Variants in ALPK1 observed in about 807,000 individuals in gnomAD.
ALPK1 encodes alpha-protein kinase 1.
Under a neutral mutation model 120.6 loss-of-function variants are expected in ALPK1, and 110 were observed. That is an observed-to-expected ratio of 0.91 (90% CI 0.78 to 1.07). The LOEUF is 1.07. ALPK1 is among the 50% of genes least tolerant of loss of function. ALPK1 has a pLI of 0.00. For synonymous variants in ALPK1, 582 were observed against 560.3 expected (o/e 1.04, Z -0.55); for missense variants, 1,498 against 1,483.9 (o/e 1.01, Z -0.16).
intron 2 of ALPK1, among the ~76,000 whole-genome samples, chr4:112,336,168 C>G (rs1474733207): frequency 6.6e-6 from 1 of 152,094 alleles, no homozygotes; most frequent in Non-Finnish European, 1.5e-5. Flanking sequence ...AATGAGTGAA[C>G]AGGGGAATGA....
intron 2 of ALPK1, chr4:112,358,264 C>A: frequency 3.4e-6 from 2 of 588,898 alleles, no homozygotes; most frequent in East Asian, 4.0e-5. Flanking sequence ...CCCAGCTGCC[C>A]TCCTGGGTGC....
chr4:112,415,051 G>A (rs1044986938), intron 5 of ALPK1: 1 of 152,200 alleles, frequency 6.6e-6, no homozygotes, highest in African/African-American at 2.4e-5. Context: ...GCCCAGAGAA[G>A]TTACAAGGAC....
At chr4:112,381,481 A>G (rs1343511115) in intron 3 of ALPK1, among the ~76,000 whole-genome samples, 1 of 152,232 alleles carries the variant, frequency 6.6e-6, no homozygotes, top group Non-Finnish European at 1.5e-5. Context: ...AGTCATATGT[A>G]CGGGTCCATA....
chr4:112,417,145 T>G (rs1733780254), intron 5 of ALPK1, among the ~76,000 whole-genome samples: 1 of 152,148 alleles, frequency 6.6e-6, no homozygotes, highest in African/African-American at 2.4e-5. Flanking sequence ...AAAATAGACA[T>G]TTTCAGACCT....
rs376675695 is a variant in ALPK1, at chr4:112,431,572, G to T, written c.2025G>T (p.Ser675=). ...PQQQMPLTPF[S]PHNTPGIFLA... ...AACAGATGCCCTTGACACCCTTCTC[G>T]CCTCATAATACCCCAGGCATTTTCT... Residue 675 remains serine, a synonymous_variant, in exon 11 of 16, where the codon TCG becomes TCT. Coordinates refer to ENST00000650871, the MANE Select transcript of ALPK1 (RefSeq NM_025144.4). The T allele has an allele frequency of 2.5e-6, 4 of 1,613,970 alleles. No homozygotes were observed. The highest frequency in any genetic ancestry group is 3.4e-6 in the Non-Finnish European group (4 of 1,179,994).
At chr4:112,297,602 C>A (rs946761114) in intron 1 of ALPK1, 133 bp downstream of exon 1, 2 of 146,424 alleles carry the variant, frequency 1.4e-5, no homozygotes, top group Non-Finnish European at 3.0e-5. Flanking sequence ...CTCTAAGAAC[C>A]TTTGCACTTC....
At chr4:112,302,314 C>T (rs1372498311) in intron 1 of ALPK1, 5 of 152,226 alleles carry the variant, frequency 3.3e-5, no homozygotes, top group African/African-American at 1.2e-4. Context: ...ATTAATGACA[C>T]TAAAATTCTT....
chr4:112,310,426 GA>G (rs1449681939), intron 1 of ALPK1, among the ~76,000 whole-genome samples: 3 of 152,108 alleles, frequency 2.0e-5, no homozygotes, highest in South Asian at 2.1e-4. Context: ...TATATTTAAA[GA>G]GTCCCAAAAT....
intron 1 of ALPK1, among the ~76,000 whole-genome samples, 192 bp downstream of exon 1, chr4:112,297,661 G>C (rs528095121): frequency 3.4e-4 from 51 of 152,008 alleles, no homozygotes; most frequent in African/African-American, 1.2e-3. Context: ...TGGGGTGAAG[G>C]GGGTGGAGTG....
Position 112,367,753 on chromosome 4 carries a change from G to C in ALPK1, c.-100-9925G>C, listed in dbSNP as rs190909546. On this transcript the variant is annotated intron_variant, in intron 2 of 15. Transcript: ENST00000650871. Reference sequence around the variant, plus strand: ...TTCTTCCCATCTAAGACTCTGATTAGACATATGTTAGACCTTTTCTACAAA... The same window carrying C: ...TTCTTCCCATCTAAGACTCTGATTACACATATGTTAGACCTTTTCTACAAA... 1.2e-4 allele frequency among the ~76,000 whole-genome samples: 18 copies of C among 152,278 alleles called. No individual in the cohort carries two copies. In the East Asian group the frequency reaches 3.5e-3, roughly 29 times the overall value.
intron 2 of ALPK1, among the ~76,000 whole-genome samples, chr4:112,364,862 T>A (rs141240049): frequency 0.013 from 1,964 of 152,298 alleles, 43 homozygotes; most frequent in African/African-American, 0.043. Context: ...TCCACCATGA[T>A]CAGGTGGGTT....
At chr4:112,386,556 G>A (rs1375787622) in intron 4 of ALPK1, among the ~76,000 whole-genome samples, 3 of 152,118 alleles carry the variant, frequency 2.0e-5, no homozygotes, top group South Asian at 4.1e-4. Flanking sequence ...AGGCTACGGC[G>A]ACCTAAAATC....
rs1325424017 is a variant in ALPK1, at chr4:112,429,169, C to A, written c.816C>A (p.Asp272Glu). The change falls in exon 10 of 16, where the codon GAC (aspartate) becomes GAA (glutamate). Residue 272 changes from aspartate to glutamate, a missense_variant. Transcript: ENST00000650871. ...QINLSLLKEF[D>E]HHLLSAAEAC... ...CACAGAGCCTGCTGAAGGAGTTTGA[C>A]CACCATTTGCTGTCCGCTGCAGAAG... is the stretch of plus-strand genomic sequence containing the variant. The A allele has an allele frequency of 6.2e-7, 1 of 1,613,292 alleles. No homozygotes were observed. Among genetic ancestry groups the A allele is most frequent in the Non-Finnish European group, 8.5e-7 (1 of 1,179,964 alleles).
chr4:112,430,095 CTT>C lies in ALPK1; in HGVS notation c.901-352_901-351del, dbSNP rs927513943. ...TGGCATCCTTATTTGCATAGAGAAACTTATATCCATTTCCATGGATAGACTCT... is the reference window on the plus strand; with the variant it reads ...TGGCATCCTTATTTGCATAGAGAAACATATCCATTTCCATGGATAGACTCT... On this transcript the variant is annotated intron_variant, in intron 10 of 15. Coordinates refer to ENST00000650871, the MANE Select transcript of ALPK1 (RefSeq NM_025144.4). Among the ~76,000 whole-genome samples, 9 of 152,256 alleles carry C rather than the reference CTT, an allele frequency of 5.9e-5. No individual in the cohort carries two copies. The South Asian group carries it at 6.2e-4, about 11-fold the overall frequency.
intron 11 of ALPK1, 77 bp downstream of exon 11, chr4:112,432,658 A>T (rs772913902): frequency 4.3e-6 from 6 of 1,384,678 alleles, no homozygotes; most frequent in Non-Finnish European, 5.9e-6. Flanking sequence ...TGGTATGTAG[A>T]TCACTTAAAG....
Position 112,356,158 on chromosome 4 carries a change from T to A in ALPK1, c.-100-21520T>A, listed in dbSNP as rs1466572981. On this transcript the variant is annotated intron_variant, in intron 2 of 15. Transcript: ENST00000650871. ...ATATGCCCAAGATAGTCCTGAATGGTGTGACCGTAGACTTCCCTTCCCAGC... is the reference window on the plus strand; with the variant it reads ...ATATGCCCAAGATAGTCCTGAATGGAGTGACCGTAGACTTCCCTTCCCAGC... 1.4e-5 allele frequency: 22 copies of A among 1,606,388 alleles called. 1 individual carries two copies. Among genetic ancestry groups the A allele is most frequent in the Non-Finnish European group, 1.8e-5 (21 of 1,174,608 alleles).
rs760476612 is a variant in ALPK1 at position 112,431,173 on chromosome 4, T to G, written c.1626T>G (p.Ser542=). 6.2e-7 allele frequency: 1 copy of G among 1,614,202 alleles called. No homozygotes were observed. Among genetic ancestry groups the G allele is most frequent in the Non-Finnish European group, 8.5e-7 (1 of 1,180,038 alleles). The change falls in exon 11 of 16, where the codon TCT becomes TCG. Residue 542 remains serine (S), a synonymous_variant. Transcript: ENST00000650871. ...RRGGRRNWTH[S]DAFRVSLDQD... is the part of the protein sequence containing the mutation. ...GAGGAAGGAGAAACTGGACCCATTC[T>G]GATGCATTTCGAGTCTCCTTGGATC...
At position 112,441,191 on chromosome 4, in the gene ALPK1, C is replaced by T; in HGVS notation, c.3728-12C>T. 1 of 1,609,418 alleles carries T rather than the reference C, an allele frequency of 6.2e-7. No individual in the cohort carries two copies. The highest frequency in any genetic ancestry group is 1.7e-4 in the Middle Eastern group (1 of 6,050). ...TGGTGATGCTCGCAAATATCTGGTT[C>T]TCTCCTTCCAGGCACATAGAATACG... On this transcript the variant is annotated splice_polypyrimidine_tract_variant and intron_variant, in intron 15 of 15. Coordinates refer to ENST00000650871, the MANE Select transcript of ALPK1 (RefSeq NM_025144.4).
At chr4:112,389,385 C>T (rs892028885) in intron 4 of ALPK1, among the ~76,000 whole-genome samples, 4 of 152,194 alleles carry the variant, frequency 2.6e-5, no homozygotes, top group Non-Finnish European at 5.9e-5. Context: ...GGGTTGGTCA[C>T]AGCCATGGCC....
Sources: allele counts gnomAD v4.1 joint callset (sites outside exome capture counted in the v4.1 genomes callset), GRCh38; gene constraint gnomAD v4.1.1; transcripts MANE v1.5; gene names NCBI Gene and HGNC (gene_info 2026-07-23, HGNC 2026-07-21).